SP140: variants seen among roughly 807,000 people sequenced by gnomAD.
SP140 encodes SP140 nuclear body protein, also known as nuclear body protein SP140.
In SP140, 81 loss-of-function variants were observed where a neutral mutation model predicts 125.0. The ratio of observed to expected loss-of-function variants is 0.65; its 90% CI spans 0.54 to 0.78. The LOEUF (loss-of-function observed/expected upper bound fraction) is 0.78, where lower values mean the gene tolerates loss of function less well. SP140 is among the 30% of genes least tolerant of loss of function. The probability of loss-of-function intolerance (pLI) is 0.00; values close to 1 mark genes in which losing one functional copy is unlikely to be tolerated. For missense variants in SP140, 858 were observed against 1,037.0 expected, an observed-to-expected ratio of 0.83 and a Z score of 2.37; for synonymous variants, 312 against 354.0, an observed-to-expected ratio of 0.88 and a Z score of 1.33.
downstream of SP140, among the ~76,000 whole-genome samples, chr2:230,314,465 C>T (rs1333516540): frequency 3.3e-5 from 5 of 152,156 alleles, no homozygotes; most frequent in Non-Finnish European, 7.3e-5. Flanking sequence ...AAACCAGATA[C>T]GTGAGAATTA....
chr2:230,282,075 C>A (rs2055650759), intron 15 of SP140, among the ~76,000 whole-genome samples: 1 of 152,092 alleles, frequency 6.6e-6, no homozygotes, highest in African/African-American at 2.4e-5. Context: ...ATAAGGGGAC[C>A]AATAGCAAAC....
the SP140 span, among the ~76,000 whole-genome samples, chr2:230,197,991 A>G: frequency 6.6e-6 from 1 of 152,214 alleles, no homozygotes; most frequent in Non-Finnish European, 1.5e-5. Context: ...TATTAGGAAT[A>G]TTGTATCACA....
intron 21 of SP140, among the ~76,000 whole-genome samples, chr2:230,296,247 TAA>T (rs533959382): frequency 6.6e-6 from 1 of 151,980 alleles, no homozygotes; most frequent in Non-Finnish European, 1.5e-5. Flanking sequence ...TCTCAAAAAA[TAA>T]AAAAAGTTTT....
chr2:230,252,640 C>A (rs2050546515), intron 10 of SP140, among the ~76,000 whole-genome samples: 2 of 152,166 alleles, frequency 1.3e-5, no homozygotes, highest in African/African-American at 2.4e-5. Flanking sequence ...CACAAGAGCT[C>A]CTTTTACCCT....
intron 1 of SP140, among the ~76,000 whole-genome samples, chr2:230,236,247 C>T (rs2047996204): frequency 6.6e-6 from 1 of 152,162 alleles, no homozygotes. Flanking sequence ...GAATGCCACC[C>T]TCCTTTTGCA....
At chr2:230,205,310 C>A (rs1444394117) in intron 1 of SP140, among the ~76,000 whole-genome samples, 5 of 152,064 alleles carry the variant, frequency 3.3e-5, no homozygotes, top group African/African-American at 1.2e-4. Flanking sequence ...CACTTCCTAC[C>A]ACCTTCTTTC....
chr2:230,251,146 T>C, intron 10 of SP140, 85 bp downstream of exon 10: 1 of 1,118,234 alleles, frequency 8.9e-7, no homozygotes, highest in Non-Finnish European at 1.3e-6. Context: ...TTGTCTTTCC[T>C]CCAAGTATAC....
At chr2:230,302,465 G>A (rs2058374981) in intron 22 of SP140, among the ~76,000 whole-genome samples, 1 of 152,098 alleles carries the variant, frequency 6.6e-6, no homozygotes, top group Non-Finnish European at 1.5e-5. Flanking sequence ...GATACTGGGG[G>A]ACTTCAGTAC....
chr2:230,254,778 T>C (rs1460891460), intron 11 of SP140, among the ~76,000 whole-genome samples: 1 of 152,240 alleles, frequency 6.6e-6, no homozygotes, highest in East Asian at 1.9e-4. Flanking sequence ...TCCTGTGGAT[T>C]TCTGTGGCTT....
At chr2:230,247,844 T>C in intron 7 of SP140, 72 bp from the exon 8 acceptor site, 2 of 1,490,104 alleles carry the variant, frequency 1.3e-6, no homozygotes, top group South Asian at 1.2e-5. Flanking sequence ...ACAATCTCCA[T>C]CATGCTCACT....
At chr2:230,238,784 C>G in intron 3 of SP140, 2 of 1,552,800 alleles carry the variant, frequency 1.3e-6, no homozygotes, top group Non-Finnish European at 1.7e-6. Flanking sequence ...CAGTGCAGTC[C>G]TGTGTCAACT....
chr2:230,247,193 A>G (rs2049586441), intron 7 of SP140, among the ~76,000 whole-genome samples: 1 of 152,172 alleles, frequency 6.6e-6, no homozygotes, highest in Non-Finnish European at 1.5e-5. Context: ...TCATCTGAGT[A>G]CCTGAATACG....
intron 7 of SP140, among the ~76,000 whole-genome samples, chr2:230,247,156 A>G (rs2049578691): frequency 2.6e-5 from 4 of 152,180 alleles, no homozygotes; most frequent in Admixed American, 2.6e-4. Context: ...CAAAACACAT[A>G]TGTCCAGATT....
At chr2:230,223,228 G>A (rs2045969085), upstream of SP140, among the ~76,000 whole-genome samples, 3 of 151,966 alleles carry the variant, frequency 2.0e-5, no homozygotes, top group Admixed American at 2.0e-4. Flanking sequence ...GTAGAGATGG[G>A]GTTTCACCAT....
At chr2:230,229,625 G>C (rs865993790) in intron 1 of SP140, among the ~76,000 whole-genome samples, 4 of 151,332 alleles carry the variant, frequency 2.6e-5, no homozygotes, top group Non-Finnish European at 5.9e-5. Flanking sequence ...CCACCACCAC[G>C]CCTGGCTAAT....
At chr2:230,207,408 T>C (rs996283322) in intron 1 of SP140, among the ~76,000 whole-genome samples, 16 of 152,158 alleles carry the variant, frequency 1.1e-4, no homozygotes, top group African/African-American at 3.9e-4. Flanking sequence ...GCAGCACTCA[T>C]ATATATAAGG....
rs2059333285 is a variant in SP140 at position 230,311,544 on chromosome 2, G to A, written c.2454G>A (p.Gly818=). Reference sequence around the variant, plus strand: ...AGCACGGTTACCCCCAAGTGGAGGGGTTTGTACAAGACATGCGCCTCATCT... The same window carrying A: ...AGCACGGTTACCCCCAAGTGGAGGGATTTGTACAAGACATGCGCCTCATCT... ...LNEHGYPQVE[G]FVQDMRLIFQ... The change falls in exon 26 of 27, where the codon GGG becomes GGA. Residue 818 remains glycine, a synonymous_variant. Transcript: ENST00000392045. 6.2e-7 allele frequency: 1 copy of A among 1,606,778 alleles called. No individual in the cohort carries two copies. The highest frequency in any genetic ancestry group is 8.5e-7 in the Non-Finnish European group (1 of 1,175,322).
intron 15 of SP140, among the ~76,000 whole-genome samples, chr2:230,274,749 A>T (rs1286682990): frequency 6.6e-6 from 1 of 152,146 alleles, no homozygotes; most frequent in African/African-American, 2.4e-5. Flanking sequence ...TTTTCAAATT[A>T]CTTACACCTT....
At chr2:230,201,319 C>T (rs1192907895), upstream of SP140, among the ~76,000 whole-genome samples, 8 of 152,184 alleles carry the variant, frequency 5.3e-5, no homozygotes, top group Admixed American at 5.2e-4. Context: ...AAATTGTTTT[C>T]ATAATATGAT....
Sources: gnomAD v4.1 joint callset for allele counts (sites outside exome capture counted in the v4.1 genomes callset) on GRCh38, gnomAD v4.1.1 for gene constraint, MANE v1.5 for transcripts, NCBI Gene and HGNC (gene_info 2026-07-23, HGNC 2026-07-21) for gene names.